The following ADCY8 variants were observed in gnomAD, a reference collection of about 807,000 sequenced individuals.
The protein encoded by ADCY8 is adenylate cyclase type 8.
Under a neutral mutation model 119.7 loss-of-function variants are expected in ADCY8, and 51 were observed. That is an observed-to-expected ratio of 0.43 (90% CI 0.34 to 0.54). The LOEUF (loss-of-function observed/expected upper bound fraction) is 0.54. Ranked by LOEUF, ADCY8 falls within the 20% of genes least tolerant of loss-of-function variation. ADCY8 has a pLI of 0.03. For missense variants in ADCY8, 1,383 were observed against 1,598.8 expected, an observed-to-expected ratio of 0.87 and a Z score of 2.30; for synonymous variants, 665 against 651.0, an observed-to-expected ratio of 1.02 and a Z score of -0.33.
intron 2 of ADCY8, among the ~76,000 whole-genome samples, chr8:130,952,840 AC>A (rs1157830407): frequency 2.0e-5 from 3 of 152,108 alleles, no homozygotes; most frequent in Non-Finnish European, 2.9e-5. Flanking sequence ...GCTAGTTTTG[AC>A]TTTAGTTGCC....
chr8:130,989,993 A>G (rs1822524509), intron 2 of ADCY8, among the ~76,000 whole-genome samples: 1 of 152,208 alleles, frequency 6.6e-6, no homozygotes, highest in Non-Finnish European at 1.5e-5. Flanking sequence ...AGATTCTTCC[A>G]TGCGCTTACT....
chr8:130,887,718 T>C (rs1426674050), intron 7 of ADCY8, among the ~76,000 whole-genome samples: 1 of 152,146 alleles, frequency 6.6e-6, no homozygotes, highest in Non-Finnish European at 1.5e-5. Flanking sequence ...TAACCCTCAG[T>C]ACACTGCAAA....
chr8:130,878,809 T>C (rs1489814422), intron 8 of ADCY8, among the ~76,000 whole-genome samples: 1 of 152,034 alleles, frequency 6.6e-6, no homozygotes, highest in Non-Finnish European at 1.5e-5. Flanking sequence ...AGAGGAAAAA[T>C]ATCAGCATTA....
intron 6 of ADCY8, among the ~76,000 whole-genome samples, chr8:130,909,059 T>C (rs1006686377): frequency 1.3e-5 from 2 of 151,636 alleles, no homozygotes; most frequent in African/African-American, 4.8e-5. Context: ...CATCCATCCA[T>C]CCATCATCTT....
chr8:130,950,581 G>C (rs1821240444), intron 3 of ADCY8, among the ~76,000 whole-genome samples: 2 of 152,294 alleles, frequency 1.3e-5, no homozygotes, highest in South Asian at 2.1e-4. Flanking sequence ...AAGTGCTCTG[G>C]CTTGATTTTG....
rs111517314 is a variant in ADCY8 at position 130,840,294 on chromosome 8, C to T, written c.2503-3845G>A. Among the ~76,000 whole-genome samples, 622 of 137,678 alleles carry T rather than the reference C, an allele frequency of 4.5e-3. 30 individuals carry two copies. Among genetic ancestry groups the T allele is most frequent in the African/African-American group, 0.015 (598 of 40,672 alleles). 90.3% of individuals were successfully genotyped at this position (137,678 alleles called of 152,430 possible). A position where few individuals can be genotyped will look rare whatever the true frequency, so the allele number is the denominator to read the frequency against. On this transcript the variant is annotated intron_variant, in intron 11 of 17. Coordinates refer to ENST00000286355, the MANE Select transcript of ADCY8 (RefSeq NM_001115.3). ...ATTTAGCATCATTCAGCTGAACTTACAGGTGTGGAAGAAACCACTCAAGCA... is the reference window on the plus strand; with the variant it reads ...ATTTAGCATCATTCAGCTGAACTTATAGGTGTGGAAGAAACCACTCAAGCA...
chr8:130,801,122 T>C (rs73715590), intron 14 of ADCY8, among the ~76,000 whole-genome samples: 2,412 of 152,326 alleles, frequency 0.016, 52 homozygotes, highest in African/African-American at 0.055. Context: ...ATATGGAATG[T>C]GATGACTGAA....
At chr8:130,860,791 T>A (rs994328543) in intron 9 of ADCY8, among the ~76,000 whole-genome samples, 5 of 152,102 alleles carry the variant, frequency 3.3e-5, no homozygotes, top group African/African-American at 1.2e-4. Context: ...TCCCTTCCCT[T>A]GCCCCCCACC....
chr8:130,885,191 G>A (rs1476777461), intron 7 of ADCY8, among the ~76,000 whole-genome samples: 2 of 150,642 alleles, frequency 1.3e-5, no homozygotes, highest in Non-Finnish European at 2.9e-5. Context: ...TCATTTAATG[G>A]TGGTGGAGAG....
At chr8:130,997,681 A>G (rs750483833) in intron 1 of ADCY8, among the ~76,000 whole-genome samples, 4 of 152,214 alleles carry the variant, frequency 2.6e-5, no homozygotes, top group Non-Finnish European at 4.4e-5. Context: ...GTAATTATCT[A>G]AAAATGCCTG....
chr8:130,868,368 T>A (rs540778937), intron 8 of ADCY8, among the ~76,000 whole-genome samples: 1 of 152,144 alleles, frequency 6.6e-6, no homozygotes, highest in African/African-American at 2.4e-5. Flanking sequence ...TCCTTTTTTT[T>A]ATTAAAAATA....
At chr8:130,940,157 C>G (rs1438797101) in intron 4 of ADCY8, among the ~76,000 whole-genome samples, 1 of 152,154 alleles carries the variant, frequency 6.6e-6, no homozygotes, top group Admixed American at 6.5e-5. Context: ...TGTCATCTTA[C>G]GGATGGGAAC....
intron 17 of ADCY8, among the ~76,000 whole-genome samples, chr8:130,782,026 A>G (rs897867797): frequency 6.6e-6 from 1 of 152,196 alleles, no homozygotes; most frequent in African/African-American, 2.4e-5. Context: ...TTAATGAATG[A>G]TTAGGGCTAC....
chr8:130,792,723 A>G (rs184605661), intron 15 of ADCY8, among the ~76,000 whole-genome samples: 7 of 152,258 alleles, frequency 4.6e-5, no homozygotes, highest in African/African-American at 1.2e-4. Flanking sequence ...TAAGCCTCTT[A>G]ATTGGCTCCC....
rs1465789109 is a variant in ADCY8, at chr8:130,990,562, G to A, written c.961-20C>T. The A allele has an allele frequency of 1.9e-6, 3 of 1,603,004 alleles. No individual in the cohort carries two copies. Among genetic ancestry groups the A allele is most frequent in the Non-Finnish European group, 2.6e-6 (3 of 1,174,046 alleles). On this transcript the variant is annotated intron_variant, in intron 1 of 17. Coordinates refer to ENST00000286355, the MANE Select transcript of ADCY8 (RefSeq NM_001115.3). The stretch of plus-strand genomic sequence containing the variant: ...CACAACCTAAAATAAACACAGTCTG[G>A]TCAGGCGCTTAAAACAAAAGCTATT...
intron 7 of ADCY8, among the ~76,000 whole-genome samples, chr8:130,886,563 A>T (rs954883053): frequency 6.6e-6 from 1 of 152,114 alleles, no homozygotes; most frequent in Non-Finnish European, 1.5e-5. Flanking sequence ...TTCATATGGC[A>T]TGGAAAGTGA....
At chr8:130,802,397 A>T (rs1348135982) in intron 14 of ADCY8, among the ~76,000 whole-genome samples, 1 of 152,190 alleles carries the variant, frequency 6.6e-6, no homozygotes, top group Non-Finnish European at 1.5e-5. Context: ...CACTAAAATG[A>T]GAGCCTTCTA....
chr8:131,011,962 G>T lies in ADCY8; in HGVS notation c.961-21420C>A, dbSNP rs78895447. 5.4e-3 allele frequency among the ~76,000 whole-genome samples: 816 copies of T among 152,272 alleles called. 5 individuals carry two copies. The highest frequency in any genetic ancestry group is 0.019 in the African/African-American group (788 of 41,538). On this transcript the variant is annotated intron_variant, in intron 1 of 17. Transcript: ENST00000286355. ...TCTAAATGGTGCTGTGTCCCTGATAGGTAGAATACATGAGTCAGGGGAACA... is the reference window on the plus strand; with the variant it reads ...TCTAAATGGTGCTGTGTCCCTGATATGTAGAATACATGAGTCAGGGGAACA...
intron 2 of ADCY8, among the ~76,000 whole-genome samples, chr8:130,977,278 A>G (rs1485163124): frequency 2.0e-5 from 3 of 152,228 alleles, no homozygotes; most frequent in Non-Finnish European, 2.9e-5. Context: ...ACAATGATCA[A>G]TCCAACCTTT....
Sources: allele counts gnomAD v4.1 joint callset (sites outside exome capture counted in the v4.1 genomes callset), GRCh38; gene constraint gnomAD v4.1.1; transcripts MANE v1.5; gene names NCBI Gene and HGNC (gene_info 2026-07-23, HGNC 2026-07-21).